Variants in CARD14 observed in about 807,000 individuals in gnomAD.
The protein encoded by CARD14 is caspase recruitment domain-containing protein 14.
Under a neutral mutation model 111.5 loss-of-function variants are expected in CARD14, and 107 were observed. The ratio of observed to expected loss-of-function variants is 0.96; its 90% CI spans 0.82 to 1.13. The LOEUF (loss-of-function observed/expected upper bound fraction) is 1.13, where lower values mean the gene tolerates loss of function less well. CARD14 is among the 50% of genes most tolerant of loss of function. The pLI, the probability that CARD14 is intolerant of heterozygous loss-of-function variation, is 0.00. For missense variants in CARD14, 1,322 were observed against 1,362.3 expected (o/e 0.97, Z 0.47); for synonymous variants, 617 against 579.6 (o/e 1.06, Z -0.93).
rs1555615288 is a variant in CARD14 at position 80,199,577 on chromosome 17, AAAAAG to A, written c.1851+996_1851+1000del. Among the ~76,000 whole-genome samples the A allele has an allele frequency of 4.7e-5, 7 of 148,836 alleles. No individual in the cohort carries two copies. The South Asian group carries it at 1.5e-3, about 31-fold the overall frequency. On this transcript the variant is annotated intron_variant, in intron 16 of 23. Coordinates refer to ENST00000648509, the MANE Select transcript of CARD14 (RefSeq NM_001366385.1). ...GCCTTGTCTCAAAAAAAAAAAAAAA[AAAAAG>A]AAAAGAAAAAAAAAGGCCAGGCACG...
At chr17:80,173,655 A>T (rs2039961566) in intron 2 of CARD14, among the ~76,000 whole-genome samples, 1 of 150,542 alleles carries the variant, frequency 6.6e-6, no homozygotes, top group African/African-American at 2.4e-5. Flanking sequence ...CTGGAGTGCA[A>T]TGGCACAATC....
chr17:80,189,805 A>G lies in CARD14; in HGVS notation c.896A>G (p.Gln299Arg), dbSNP rs1249011304. 1.9e-6 allele frequency: 3 copies of G among 1,585,250 alleles called. No individual in the cohort carries two copies. The highest frequency in any genetic ancestry group is 2.3e-5 in the East Asian group (1 of 42,638). The stretch of plus-strand genomic sequence containing the variant: ...CTGGACGAGGCGCGGGGGAGCCGAC[A>G]GGAGCTGGTGGAGCGCATCCACTCG... ...QSLDEARGSR[Q>R]ELVERIHSLR... The change falls in exon 9 of 24, where the codon CAG (glutamine) becomes CGG (arginine). Residue 299 changes from glutamine (Q) to arginine (R), a missense_variant. By Grantham distance (43) the Gln-to-Arg change is conservative. Transcript: ENST00000648509. The surrounding 1 kb of genome is among the most constrained non-coding windows in gnomAD (Gnocchi z 4.7).
In CARD14 at chr17:80,195,093, G is replaced by A. The variant is rs2040661631; in HGVS notation, c.1357-98G>A. On this transcript the variant is annotated intron_variant, in intron 12 of 23. Coordinates refer to ENST00000648509, the MANE Select transcript of CARD14 (RefSeq NM_001366385.1). This position sits in a 1 kb window ranked among gnomAD's most constrained non-coding sequence, Gnocchi z 4.7. ...TCCCCTCCTGCCTCCTCTCCAGTCA[G>A]TTCTCACTGTGGCTCTCTCTACACC... 2.1e-6 allele frequency: 3 copies of A among 1,457,754 alleles called. No individual in the cohort carries two copies. The highest frequency in any genetic ancestry group is 1.8e-6 in the Non-Finnish European group (2 of 1,086,784). The allele number at this position is 1,457,754 out of a possible 1,614,324, so 90.3% of individuals were successfully genotyped here. A position where few individuals can be genotyped will look rare whatever the true frequency, so the allele number is the denominator to read the frequency against.
At chr17:80,185,703 C>A (rs1296023514) in intron 7 of CARD14, among the ~76,000 whole-genome samples, 3 of 152,214 alleles carry the variant, frequency 2.0e-5, no homozygotes, top group African/African-American at 7.2e-5. Flanking sequence ...TTCTGCTGTT[C>A]CTCTCTTTAG....
chr17:80,194,489 G>C (rs958246495), intron 12 of CARD14, among the ~76,000 whole-genome samples: 1 of 152,206 alleles, frequency 6.6e-6, no homozygotes, highest in Non-Finnish European at 1.5e-5. Context: ...CCCCTCCCTA[G>C]TCACTAACTC....
At chr17:80,200,887 G>A (rs1019681512) in intron 16 of CARD14, 2 of 152,290 alleles carry the variant, frequency 1.3e-5, no homozygotes, top group African/African-American at 4.8e-5. Flanking sequence ...CACAGTTCAC[G>A]ATAGGGCTCA....
chr17:80,171,697 T>C (rs1905928953), intron 1 of CARD14, among the ~76,000 whole-genome samples: 1 of 152,166 alleles, frequency 6.6e-6, no homozygotes, highest in East Asian at 1.9e-4. Context: ...TCCAGAAGCC[T>C]GAGGGGCAGC....
At chr17:80,172,001 A>G (rs1465139500) in intron 1 of CARD14, among the ~76,000 whole-genome samples, 2 of 152,238 alleles carry the variant, frequency 1.3e-5, no homozygotes, top group Non-Finnish European at 2.9e-5. Context: ...CCTGGTCCTC[A>G]GGATATCCGC....
chr17:80,206,240 G>A (rs1040436200), intron 22 of CARD14, among the ~76,000 whole-genome samples: 8 of 151,706 alleles, frequency 5.3e-5, no homozygotes, highest in Non-Finnish European at 8.8e-5. Flanking sequence ...CGAGGTGGGA[G>A]GATCGCTTGA....
At chr17:80,181,831 T>C (rs2040186369) in intron 5 of CARD14, among the ~76,000 whole-genome samples, 182 bp downstream of exon 5, 1 of 152,202 alleles carries the variant, frequency 6.6e-6, no homozygotes, top group South Asian at 2.1e-4. Context: ...AACTTATATC[T>C]GCAAAGGCCC....
rs139789664 is a variant in CARD14, at chr17:80,205,132, C to T, written c.2496C>T (p.Leu832=). 8,327 of 1,613,754 alleles carry T rather than the reference C, an allele frequency of 5.2e-3. 26 individuals are homozygous for T. Among genetic ancestry groups the T allele is most frequent in the Non-Finnish European group, 6.0e-3 (7,098 of 1,179,948 alleles). ...CCGCCCGGCCCCGGCCTGTGCTCCT[C>T]GTGCCCAGGGCGGTTGGGAAGATCC... ...HRPARPRPVL[L]VPRAVGKILS... The change falls in exon 21 of 24, where the codon CTC becomes CTT. Residue 832 remains leucine (L), a synonymous_variant. Transcript: ENST00000648509.
intron 7 of CARD14, among the ~76,000 whole-genome samples, chr17:80,186,075 C>A (rs1216612079): frequency 6.6e-6 from 1 of 152,264 alleles, no homozygotes; most frequent in Non-Finnish European, 1.5e-5. Flanking sequence ...AAGCACCCTG[C>A]TCCTGGTGGA....
rs368706586 is a variant in CARD14, at chr17:80,202,413, T to C, written c.2212T>C (p.Tyr738His). The change falls in exon 18 of 24, where the codon TAC becomes CAC. Residue 738 changes from tyrosine to histidine, a missense_variant. By Grantham distance (83) the Tyr-to-His change is moderately conservative. Transcript: ENST00000648509. Reference sequence around the variant, plus strand: ...TGCCGCGCACGGCACCATCCCCAACTACTCCAGGTGAGCAGCTGCCTCGAG... The same window carrying C: ...TGCCGCGCACGGCACCATCCCCAACCACTCCAGGTGAGCAGCTGCCTCGAG... ...DTAAHGTIPN[Y>H]SRAQQQLIAL... 4 of 1,610,792 alleles carry C rather than the reference T, an allele frequency of 2.5e-6. No homozygotes were observed. The highest frequency in any genetic ancestry group is 2.5e-6 in the Non-Finnish European group (3 of 1,178,462).
intron 2 of CARD14, among the ~76,000 whole-genome samples, chr17:80,175,380 T>C (rs1326674850): frequency 6.6e-6 from 1 of 152,186 alleles, no homozygotes; most frequent in Admixed American, 6.5e-5. Context: ...AAACGCAACA[T>C]TTGGTTCATT....
Position 80,189,875 on chromosome 17 carries a change from G to T in CARD14, c.963+3G>T. On this transcript the variant is annotated splice_donor_region_variant and intron_variant, in intron 9 of 23. Transcript: ENST00000648509. This position sits in a 1 kb window ranked among gnomAD's most constrained non-coding sequence, Gnocchi z 4.7. ...CTGCCGAGAGGCAGCGAGAGCAGGT[G>T]CCGTGTGAGCCCTTCCTCCCTTGTG... 6.3e-7 allele frequency: 1 copy of T among 1,594,398 alleles called. No individual in the cohort carries two copies. The highest frequency in any genetic ancestry group is 8.5e-7 in the Non-Finnish European group (1 of 1,172,460).
At position 80,201,183 on chromosome 17, in the gene CARD14, T is replaced by G. The variant is rs2040954227; in HGVS notation, c.1852-561T>G. ...CTAATGGTGTTAAAACACATCTTAA[T>G]TTTTATTGTAAAAATATCTACTCTC... On this transcript the variant is annotated intron_variant, in intron 16 of 23. Coordinates refer to ENST00000648509, the MANE Select transcript of CARD14 (RefSeq NM_001366385.1). The surrounding 1 kb of genome is among the most constrained non-coding windows in gnomAD (Gnocchi z 5.0). 6.5e-6 allele frequency: 1 copy of G among 154,612 alleles called. No homozygotes were observed. The highest frequency in any genetic ancestry group is 2.4e-5 in the African/African-American group (1 of 41,454). 9.6% of individuals were successfully genotyped at this position (154,612 alleles called of 1,614,324 possible).
intron 7 of CARD14, among the ~76,000 whole-genome samples, chr17:80,187,153 C>T (rs927011059): frequency 2.6e-5 from 4 of 152,226 alleles, no homozygotes; most frequent in African/African-American, 9.6e-5. Context: ...GTGCTCCTTC[C>T]CCAGGGGGAA....
At position 80,181,512 on chromosome 17, in the gene CARD14, G is replaced by A; in HGVS notation, c.74G>A (p.Ser25Asn). 6.3e-7 allele frequency: 1 copy of A among 1,585,972 alleles called. No homozygotes were observed. The highest frequency in any genetic ancestry group is 2.3e-5 in the East Asian group (1 of 43,490). ...GAGACACTGTGGGAGATGATGGAGA[G>A]CCACCGCCACAGGATCGTACGCTGC... ...DEETLWEMMESHRHRIVRCIC... is the reference protein window; with the variant it reads ...DEETLWEMMENHRHRIVRCIC... The change falls in exon 5 of 24, where the codon AGC becomes AAC. Residue 25 changes from serine (S) to asparagine (N), a missense_variant. Coordinates refer to ENST00000648509, the MANE Select transcript of CARD14 (RefSeq NM_001366385.1).
chr17:80,198,878 G>T lies in CARD14; in HGVS notation c.1851+287G>T. The T allele has an allele frequency of 2.1e-6, 3 of 1,413,972 alleles. No individual in the cohort carries two copies. The highest frequency in any genetic ancestry group is 2.7e-5 in the Admixed American group (1 of 37,192). 87.6% of individuals were successfully genotyped at this position (1,413,972 alleles called of 1,614,324 possible). On this transcript the variant is annotated intron_variant, in intron 16 of 23. Coordinates refer to ENST00000648509, the MANE Select transcript of CARD14 (RefSeq NM_001366385.1). This position sits in a 1 kb window ranked among gnomAD's most constrained non-coding sequence, Gnocchi z 7.5. Reference sequence around the variant, plus strand: ...GGGCTGCTCTGGGTGGTCACTTTGGGTGTGTACAGTAAAATACACGTGACA... The same window carrying T: ...GGGCTGCTCTGGGTGGTCACTTTGGTTGTGTACAGTAAAATACACGTGACA...
Sources: allele counts gnomAD v4.1 joint callset (sites outside exome capture counted in the v4.1 genomes callset), GRCh38; gene constraint gnomAD v4.1.1; non-coding constraint Gnocchi (gnomAD v3.1); transcripts MANE v1.5; gene names NCBI Gene and HGNC (gene_info 2026-07-23, HGNC 2026-07-21).